SCOC: variants seen among roughly 807,000 people sequenced by gnomAD.
SCOC encodes the protein short coiled-coil protein.
SCOC carries 7 observed loss-of-function variants against 9.9 expected under a neutral mutation model. That is an observed-to-expected ratio of 0.71 (90% CI 0.40 to 1.33). The LOEUF (loss-of-function observed/expected upper bound fraction) is 1.33, where lower values mean the gene tolerates loss of function less well. Ranked by LOEUF, SCOC falls within the 40% of genes most tolerant of loss-of-function variation. The probability of loss-of-function intolerance (pLI) is 0.01; values close to 1 mark genes in which losing one functional copy is unlikely to be tolerated. For synonymous variants in SCOC, 19 were observed against 28.2 expected (o/e 0.67, Z 1.03); for missense variants, 66 against 89.7 (o/e 0.74, Z 1.07).
chr4:140,366,483 C>G, intron 2 of SCOC: 1 of 1,563,942 alleles, frequency 6.4e-7, no homozygotes, highest in Non-Finnish European at 8.8e-7. Context: ...TTTGAAGCTT[C>G]TTAACTTCAT....
At position 140,330,630 on chromosome 4, in the gene SCOC, G is replaced by A. The variant is rs544502362; in HGVS notation, c.-18-12991G>A. On this transcript the variant is annotated intron_variant, in intron 1 of 4. Transcript: ENST00000394205. ...GCAAGTATCAATTGCTTGGTTCAAG[G>A]AAGGCATGTGAAAATTTATTGAAGT... Among the ~76,000 whole-genome samples, 7 of 152,270 alleles carry A rather than the reference G, an allele frequency of 4.6e-5. No individual in the cohort carries two copies. The South Asian group carries it at 8.3e-4, about 18-fold the overall frequency.
At chr4:140,258,185 C>T (rs1284079390) in intron 1 of SCOC, among the ~76,000 whole-genome samples, 1 of 152,216 alleles carries the variant, frequency 6.6e-6, no homozygotes, top group African/African-American at 2.4e-5. Context: ...GCCCACACAG[C>T]TCTAGAGGGC....
chr4:140,377,736 T>C lies in SCOC; in HGVS notation c.-50-1385T>C, dbSNP rs902217669. On this transcript the variant is annotated intron_variant, in intron 1 of 3. Coordinates refer to ENST00000608372, the MANE Select transcript of SCOC (RefSeq NM_001153484.2). ...TTAGTATCTGAAGTACAACAAGATT[T>C]GTATTAACAGCTGTGAGAGAATGTG... 2.0e-5 allele frequency among the ~76,000 whole-genome samples: 3 copies of C among 152,202 alleles called. No homozygotes were observed. The East Asian group carries it at 5.8e-4, about 29-fold the overall frequency.
chr4:140,363,055 A>G (rs1427514291), intron 2 of SCOC, among the ~76,000 whole-genome samples: 1 of 152,208 alleles, frequency 6.6e-6, no homozygotes, highest in Non-Finnish European at 1.5e-5. Context: ...CACTTGCCAT[A>G]AAAGCCAAAG....
At chr4:140,272,676 T>C (rs1430856687) in intron 1 of SCOC, among the ~76,000 whole-genome samples, 1 of 152,132 alleles carries the variant, frequency 6.6e-6, no homozygotes, top group East Asian at 1.9e-4. Flanking sequence ...AACATAGATG[T>C]GGAGGGTGCA....
At chr4:140,304,297 G>C (rs940576749) in intron 1 of SCOC, among the ~76,000 whole-genome samples, 1 of 152,122 alleles carries the variant, frequency 6.6e-6, no homozygotes, top group Non-Finnish European at 1.5e-5. Context: ...TGCAGGGAGT[G>C]GGAGGGTGAG....
At chr4:140,346,122 T>C (rs1726727377) in intron 2 of SCOC, among the ~76,000 whole-genome samples, 1 of 152,198 alleles carries the variant, frequency 6.6e-6, no homozygotes, top group African/African-American at 2.4e-5. Flanking sequence ...AGCACCCTTC[T>C]CATCTTACAG....
intron 1 of SCOC, among the ~76,000 whole-genome samples, chr4:140,264,921 C>T (rs993617704): frequency 1.2e-4 from 18 of 152,146 alleles, no homozygotes; most frequent in African/African-American, 2.9e-4. Context: ...AATGACCTGT[C>T]GGAGCTGCAT....
upstream of SCOC, among the ~76,000 whole-genome samples, chr4:140,343,257 A>G (rs568392874): frequency 2.6e-5 from 4 of 152,212 alleles, no homozygotes; most frequent in South Asian, 8.3e-4. Flanking sequence ...TCTAAAAGAT[A>G]TGTTAATCAT....
At chr4:140,314,174 T>A (rs1352664164) in intron 1 of SCOC, 1 of 209,094 alleles carries the variant, frequency 4.8e-6, no homozygotes, top group African/African-American at 2.3e-5. Context: ...TGACATGAGA[T>A]GTTAAATGTT....
At chr4:140,298,511 G>A (rs113768062) in intron 1 of SCOC, among the ~76,000 whole-genome samples, 9 of 152,312 alleles carry the variant, frequency 5.9e-5, no homozygotes, top group African/African-American at 2.2e-4. Flanking sequence ...AGGTGGGTAA[G>A]GAGGACATCT....
rs767589743 is a variant in SCOC at position 140,373,736 on chromosome 4, A to G, written c.-51+19A>G. On this transcript the variant is annotated intron_variant, in intron 1 of 3. Transcript: ENST00000608372. ...GCGGAAGGTGAGGGCCGTCCCGGGC[A>G]GCGGAGGGCCTGGCCCCAGGCGACT... 95 of 1,541,798 alleles carry G rather than the reference A, an allele frequency of 6.2e-5. No homozygotes were observed. Among genetic ancestry groups the G allele is most frequent in the Non-Finnish European group, 8.2e-5 (94 of 1,145,622 alleles).
intron 1 of SCOC, among the ~76,000 whole-genome samples, chr4:140,291,217 T>C (rs1190292858): frequency 1.3e-5 from 2 of 152,202 alleles, no homozygotes; most frequent in Non-Finnish European, 2.9e-5. Flanking sequence ...AGTGTGGTAT[T>C]GGTAGGTATG....
intron 1 of SCOC, among the ~76,000 whole-genome samples, chr4:140,288,191 C>T (rs1731354292): frequency 6.6e-6 from 1 of 151,748 alleles, no homozygotes; most frequent in Non-Finnish European, 1.5e-5. Context: ...ATAAAAATGA[C>T]CTACACCACA....
chr4:140,305,115 G>C (rs1731929539), intron 1 of SCOC, among the ~76,000 whole-genome samples: 2 of 152,220 alleles, frequency 1.3e-5, no homozygotes, highest in African/African-American at 4.8e-5. Context: ...CCGCATTGCA[G>C]ATAGAGTTTA....
In SCOC at chr4:140,385,290, A is replaced by G. The variant is rs564811531; in HGVS notation, c.*4186A>G. 25 of 152,304 alleles carry G rather than the reference A, an allele frequency of 1.6e-4. No homozygotes were observed. Among genetic ancestry groups the G allele is most frequent in the African/African-American group, 5.8e-4 (24 of 41,568 alleles). 9.4% of individuals were successfully genotyped at this position (152,304 alleles called of 1,614,324 possible). On this transcript the variant is annotated 3_prime_UTR_variant, in exon 4 of 4. Coordinates refer to ENST00000608372, the MANE Select transcript of SCOC (RefSeq NM_001153484.2). ...ATAAAATATTATGACTCAGACACCA[A>G]TATGGTTTGGGGCAACACCTATAAT...
chr4:140,323,834 A>G (rs1949152), intron 1 of SCOC, among the ~76,000 whole-genome samples: 30,966 of 152,012 alleles, frequency 0.2, 3,919 homozygotes, highest in African/African-American at 0.35. Context: ...TCTACATAAT[A>G]TCTTCCAGAA....
chr4:140,374,923 C>T (rs767066893), intron 1 of SCOC, among the ~76,000 whole-genome samples: 5 of 152,156 alleles, frequency 3.3e-5, no homozygotes, highest in Non-Finnish European at 5.9e-5. Context: ...ATAACATATG[C>T]AAAGCATTTA....
intron 1 of SCOC, chr4:140,376,733 G>A (rs1728361555): frequency 6.6e-6 from 1 of 152,100 alleles, no homozygotes; most frequent in South Asian, 2.1e-4. Flanking sequence ...ATTATATGTG[G>A]TCAGAATTTC....
Sources: allele counts gnomAD v4.1 joint callset (sites outside exome capture counted in the v4.1 genomes callset), GRCh38; gene constraint gnomAD v4.1.1; transcripts MANE v1.5; gene names NCBI Gene and HGNC (gene_info 2026-07-23, HGNC 2026-07-21).